The following GRM7 variants were observed in gnomAD, a reference collection of about 807,000 sequenced individuals.
GRM7 encodes glutamate metabotropic receptor 7, also known as metabotropic glutamate receptor 7.
A neutral mutation model predicts 84.5 loss-of-function variants in GRM7; 35 were observed. The ratio of observed to expected loss-of-function variants is 0.41; its 90% confidence interval spans 0.32 to 0.55. The LOEUF (loss-of-function observed/expected upper bound fraction) is 0.55, where lower values mean the gene tolerates loss of function less well. Ranked by LOEUF, GRM7 falls within the 20% of genes least tolerant of loss-of-function variation. The pLI, the probability that GRM7 is intolerant of heterozygous loss-of-function variation, is 0.19. For synonymous variants in GRM7, 487 were observed against 455.1 expected (o/e 1.07, Z -0.89); for missense variants, 1,003 against 1,194.6 (o/e 0.84, Z 2.36).
intron 6 of GRM7, among the ~76,000 whole-genome samples, chr3:7,456,695 CT>C (rs35400642): frequency 0.55 from 81,191 of 148,038 alleles, 22,433 homozygotes; most frequent in Non-Finnish European, 0.62. Flanking sequence ...TTCTCTCTCT[CT>C]TTTTTTTTTT....
intron 1 of GRM7, among the ~76,000 whole-genome samples, chr3:7,017,452 C>A (rs530908915): frequency 2.2e-4 from 34 of 152,248 alleles, no homozygotes; most frequent in Middle Eastern, 3.4e-3. Flanking sequence ...GCAAGCGAGT[C>A]AATTTTGCTA....
At chr3:6,884,867 G>C (rs575129617) in intron 1 of GRM7, among the ~76,000 whole-genome samples, 2 of 152,132 alleles carry the variant, frequency 1.3e-5, no homozygotes, top group African/African-American at 4.8e-5. Context: ...CAAAGTGCTG[G>C]GATTACAGGC....
chr3:6,984,627 C>T (rs939614756), intron 1 of GRM7, among the ~76,000 whole-genome samples: 1 of 151,472 alleles, frequency 6.6e-6, no homozygotes, highest in Non-Finnish European at 1.5e-5. Flanking sequence ...ACATGACTGG[C>T]ATCTACACAT....
intron 1 of GRM7, among the ~76,000 whole-genome samples, chr3:7,103,816 T>TCTCTC (rs1699202405): frequency 1.1e-5 from 1 of 89,056 alleles, no homozygotes; most frequent in African/African-American, 4.8e-5. Flanking sequence ...CTTTCTTTCT[T>TCTCTC]TCTCTCTCTC....
intron 9 of GRM7, among the ~76,000 whole-genome samples, chr3:7,711,085 A>C (rs775378239): frequency 1.3e-5 from 2 of 152,150 alleles, no homozygotes; most frequent in Non-Finnish European, 2.9e-5. Flanking sequence ...GTTGTCCCTA[A>C]GTATTAGACA....
intron 5 of GRM7, among the ~76,000 whole-genome samples, chr3:7,423,197 C>T (rs1202446337): frequency 6.6e-6 from 1 of 152,200 alleles, no homozygotes; most frequent in Non-Finnish European, 1.5e-5. Flanking sequence ...CCCATAGCAA[C>T]TGTGTTTAAT....
At chr3:6,905,423 A>T (rs1004943126) in intron 1 of GRM7, among the ~76,000 whole-genome samples, 4 of 152,186 alleles carry the variant, frequency 2.6e-5, no homozygotes, top group Non-Finnish European at 5.9e-5. Flanking sequence ...TGATTTTAGT[A>T]TATTGATCTT....
chr3:7,378,144 G>A (rs1398413703), intron 4 of GRM7, among the ~76,000 whole-genome samples: 1 of 152,160 alleles, frequency 6.6e-6, no homozygotes, highest in Non-Finnish European at 1.5e-5. Context: ...CTCGGTGTGG[G>A]ATGGCTGCAC....
At chr3:7,079,916 A>G (rs1375726235) in intron 1 of GRM7, among the ~76,000 whole-genome samples, 2 of 152,094 alleles carry the variant, frequency 1.3e-5, no homozygotes, top group South Asian at 2.1e-4. Flanking sequence ...GTGTTTGTTC[A>G]TTTGTTTTTC....
intron 8 of GRM7, among the ~76,000 whole-genome samples, chr3:7,633,339 A>G (rs1297526959): frequency 1.3e-5 from 2 of 152,232 alleles, no homozygotes; most frequent in Non-Finnish European, 2.9e-5. Flanking sequence ...AAACTGAGGA[A>G]CTAGAGAAGT....
At chr3:7,336,996 A>G (rs1701446035) in intron 4 of GRM7, among the ~76,000 whole-genome samples, 1 of 152,120 alleles carries the variant, frequency 6.6e-6, no homozygotes, top group African/African-American at 2.4e-5. Context: ...ATTCAATGCA[A>G]TTCCCATCAA....
At chr3:7,098,791 G>C (rs900633641) in intron 1 of GRM7, among the ~76,000 whole-genome samples, 2 of 151,838 alleles carry the variant, frequency 1.3e-5, no homozygotes, top group African/African-American at 4.8e-5. Context: ...ATCTGTTCTG[G>C]TTCATTAGAA....
chr3:7,317,811 C>T (rs1700636940), intron 4 of GRM7, among the ~76,000 whole-genome samples: 1 of 151,610 alleles, frequency 6.6e-6, no homozygotes, highest in African/African-American at 2.4e-5. Context: ...TGAAAGACTG[C>T]TGTCAAGAAG....
At chr3:7,581,236 T>A (rs1426719546) in intron 8 of GRM7, among the ~76,000 whole-genome samples, 1 of 152,190 alleles carries the variant, frequency 6.6e-6, no homozygotes, top group Non-Finnish European at 1.5e-5. Context: ...AACCTGAAAT[T>A]GAAACAAGGT....
intron 1 of GRM7, among the ~76,000 whole-genome samples, chr3:7,057,486 A>G (rs1697269700): frequency 6.6e-6 from 1 of 151,954 alleles, no homozygotes; most frequent in South Asian, 2.1e-4. Context: ...CTAAACAAAT[A>G]ATTTTCATCT....
chr3:7,379,976 C>G (rs1403612722), intron 4 of GRM7, among the ~76,000 whole-genome samples: 5 of 152,198 alleles, frequency 3.3e-5, no homozygotes, highest in Admixed American at 1.3e-4. Flanking sequence ...TTATTTTCCT[C>G]TGACAGATAA....
intron 1 of GRM7, among the ~76,000 whole-genome samples, chr3:6,874,969 A>C (rs969419085): frequency 6.6e-6 from 1 of 152,130 alleles, no homozygotes; most frequent in Non-Finnish European, 1.5e-5. Flanking sequence ...CATCCACTCT[A>C]TTTAAAGTTA....
rs745947481 is a variant in GRM7 at position 7,740,336 on chromosome 3, A to G, written c.2699-21A>G. 6.5e-6 allele frequency: 10 copies of G among 1,531,178 alleles called. No individual in the cohort carries two copies. In the East Asian group the frequency reaches 2.3e-4, roughly 35 times the overall value. 94.8% of individuals were successfully genotyped at this position (1,531,178 alleles called of 1,614,324 possible). On this transcript the variant is annotated intron_variant, in intron 9 of 9. Coordinates refer to ENST00000357716, the MANE Select transcript of GRM7 (RefSeq NM_000844.4). ...AAACAGGGTTATTACTGCAACTGAC[A>G]CTTTCTAATTTTTCTTTCAGGCCCT...
chr3:7,454,807 A>C (rs1697934739), intron 6 of GRM7, among the ~76,000 whole-genome samples: 1 of 152,158 alleles, frequency 6.6e-6, no homozygotes, highest in South Asian at 2.1e-4. Flanking sequence ...TAAATATAGA[A>C]GTAAATTTTA....
Sources: allele counts gnomAD v4.1 joint callset (sites outside exome capture counted in the v4.1 genomes callset), GRCh38; gene constraint gnomAD v4.1.1; transcripts MANE v1.5; gene names NCBI Gene and HGNC (gene_info 2026-07-23, HGNC 2026-07-21).